Variants in ITIH3 observed in about 807,000 individuals in gnomAD.
ITIH3 encodes inter-alpha-trypsin inhibitor heavy chain 3.
Under a neutral mutation model 96.5 loss-of-function variants are expected in ITIH3, and 81 were observed. The observed-to-expected ratio is 0.84, with a 90% CI of 0.70 to 1.01. The LOEUF (loss-of-function observed/expected upper bound fraction) is 1.01, where lower values mean the gene tolerates loss of function less well. ITIH3 is among the 50% of genes least tolerant of loss of function. The probability of loss-of-function intolerance (pLI) is 0.00; values close to 1 mark genes in which losing one functional copy is unlikely to be tolerated. For synonymous variants in ITIH3, 422 were observed against 445.2 expected (o/e 0.95, Z 0.66); for missense variants, 1,057 against 1,139.3 (o/e 0.93, Z 1.04).
chr3:52,803,553 A>G (rs369603952), intron 13 of ITIH3, among the ~76,000 whole-genome samples: 3 of 152,106 alleles, frequency 2.0e-5, no homozygotes, highest in African/African-American at 7.2e-5. Flanking sequence ...TCCTGACCTC[A>G]GGTGATTCAC....
In ITIH3 at chr3:52,800,486, A is replaced by T. The variant is rs529053596; in HGVS notation, c.1076-52A>T. 90 of 1,549,236 alleles carry T rather than the reference A, an allele frequency of 5.8e-5. 1 individual carries two copies. The African/African-American group carries it at 9.0e-4, about 16-fold the overall frequency. ...GCCTCCTCCGCTCCAGCCTGTCTGC[A>T]CACTGGCACCCTGAGGACACCCTCC... On this transcript the variant is annotated intron_variant, in intron 9 of 21. Coordinates refer to ENST00000449956, the MANE Select transcript of ITIH3 (RefSeq NM_002217.4).
At chr3:52,802,557 G>C (rs777415415) in intron 12 of ITIH3, 38 bp downstream of exon 12, 23 of 1,610,934 alleles carry the variant, frequency 1.4e-5, no homozygotes, top group Non-Finnish European at 1.9e-5. Flanking sequence ...GCTGGGGATG[G>C]GGTATCAGCA....
At chr3:52,808,478 TCAA>T in intron 21 of ITIH3, 71 bp from the exon 22 acceptor site, 2 of 1,577,812 alleles carry the variant, frequency 1.3e-6, no homozygotes, top group Non-Finnish European at 8.7e-7. Context: ...CCACCCTTTT[TCAA>T]TCTCAGGTCC....
rs1700078638 is a variant in ITIH3, at chr3:52,807,002, A to G, written c.2158A>G (p.Met720Val). 5.0e-6 allele frequency: 8 copies of G among 1,600,188 alleles called. No homozygotes were observed. Among genetic ancestry groups the G allele is most frequent in the Non-Finnish European group, 6.8e-6 (8 of 1,173,564 alleles). The stretch of plus-strand genomic sequence containing the variant: ...AAAACTGGGCATCGCCAATGCTCAG[A>G]TGGACTTCCAGGTGGAGGTGACAAC... Reference protein sequence around the residue: ...FGKLGIANAQMDFQVEVTTEK... With the variant: ...FGKLGIANAQVDFQVEVTTEK... The change falls in exon 19 of 22, where the codon ATG becomes GTG. Residue 720 changes from methionine to valine, a missense_variant. Coordinates refer to ENST00000449956, the MANE Select transcript of ITIH3 (RefSeq NM_002217.4).
intron 13 of ITIH3, 115 bp from the exon 14 acceptor site, chr3:52,803,740 C>T (rs1699933552): frequency 8.2e-7 from 1 of 1,212,402 alleles, no homozygotes; most frequent in Non-Finnish European, 1.2e-6. Flanking sequence ...CCTGGGGGAC[C>T]CCACAATGGG....
chr3:52,800,109 G>A (rs1222959719), intron 9 of ITIH3, among the ~76,000 whole-genome samples, 188 bp downstream of exon 9: 1 of 152,132 alleles, frequency 6.6e-6, no homozygotes, highest in Admixed American at 6.5e-5. Flanking sequence ...CGTGGTCCAG[G>A]GAAACCCATT....
chr3:52,801,065 C>T lies in ITIH3; in HGVS notation c.1302C>T (p.Asn434=), dbSNP rs779110092. Residue 434 remains asparagine (N), a synonymous_variant, in exon 11 of 22, where the codon AAC becomes AAT. Coordinates refer to ENST00000449956, the MANE Select transcript of ITIH3 (RefSeq NM_002217.4). ...NLGFGNNLNY[N]FLENMALENH... ...GCTTTGGCAACAATCTGAATTATAACTTCCTGGAGAACATGGCCCTGGAGA... is the reference window on the plus strand; with the variant it reads ...GCTTTGGCAACAATCTGAATTATAATTTCCTGGAGAACATGGCCCTGGAGA... The T allele has an allele frequency of 2.4e-5, 39 of 1,613,102 alleles. No homozygotes were observed. The highest frequency in any genetic ancestry group is 3.1e-5 in the Non-Finnish European group (37 of 1,179,410).
intron 13 of ITIH3, 149 bp from the exon 14 acceptor site, chr3:52,803,706 T>C: frequency 1.2e-6 from 1 of 810,984 alleles, no homozygotes; most frequent in Non-Finnish European, 1.9e-6. Flanking sequence ...GAGCCAGTCT[T>C]CTCTGAGCCC....
chr3:52,808,641 A>C lies in ITIH3; in HGVS notation c.2633A>C (p.Asp878Ala), dbSNP rs1273503314. Reference protein sequence around the residue: ...FVHNNGEGLIDGVHTDYIVPN... With the variant: ...FVHNNGEGLIAGVHTDYIVPN... ...CACAACAACGGAGAAGGGCTGATTG[A>C]TGGTGTCCACACTGACTACATTGTC... Residue 878 changes from aspartate (D) to alanine (A), a missense_variant, in exon 22 of 22, where the codon GAT (aspartate) becomes GCT (alanine). Asp to Ala is a moderately radical substitution (Grantham distance 126, BLOSUM62 -2). Coordinates refer to ENST00000449956, the MANE Select transcript of ITIH3 (RefSeq NM_002217.4). The C allele has an allele frequency of 6.2e-7, 1 of 1,613,950 alleles. No homozygotes were observed. Among genetic ancestry groups the C allele is most frequent in the East Asian group, 2.2e-5 (1 of 44,880 alleles).
In ITIH3 at chr3:52,799,002, C is replaced by T. The variant is rs779224896; in HGVS notation, c.700C>T (p.Arg234Cys). 3 of 1,613,584 alleles carry T rather than the reference C, an allele frequency of 1.9e-6. No homozygotes were observed. Among genetic ancestry groups the T allele is most frequent in the South Asian group, 1.1e-5 (1 of 90,930 alleles). The change falls in exon 7 of 22, where the codon CGT becomes TGT. Residue 234 changes from arginine (R) to cysteine (C), a missense_variant. Arg to Cys is a radical substitution (Grantham distance 180). Coordinates refer to ENST00000449956, the MANE Select transcript of ITIH3 (RefSeq NM_002217.4). ...CTTCAAGCCCAGCTTAGACCAACAG[C>T]GTTCATGCCCAACCTGTACAGACTC... The part of the protein sequence containing the change: ...VSFKPSLDQQ[R>C]SCPTCTDSLL...
chr3:52,795,427 G>A (rs1160007005), intron 1 of ITIH3, among the ~76,000 whole-genome samples, 176 bp from the exon 2 acceptor site: 1 of 152,162 alleles, frequency 6.6e-6, no homozygotes, highest in Non-Finnish European at 1.5e-5. Flanking sequence ...TCTATTCAGA[G>A]TTTTTCCTAC....
At chr3:52,803,469 C>A (rs1002938220) in intron 13 of ITIH3, among the ~76,000 whole-genome samples, 3 of 151,864 alleles carry the variant, frequency 2.0e-5, no homozygotes, top group African/African-American at 7.3e-5. Flanking sequence ...CAGGCATGCA[C>A]CACCATGCCT....
At chr3:52,805,481 C>G in intron 15 of ITIH3, 1 of 1,131,966 alleles carries the variant, frequency 8.8e-7, no homozygotes, top group Non-Finnish European at 1.1e-6. Context: ...CTCACCCCAA[C>G]TAGGGGGTGG....
rs562561616 is a variant in ITIH3 at position 52,795,428 on chromosome 3, T to C, written c.94-175T>C. ...CCTCAGTTTCCCCATCTATTCAGAG[T>C]TTTTCCTACTCTGACATGTGGCTCT... On this transcript the variant is annotated intron_variant, in intron 1 of 21. Coordinates refer to ENST00000449956, the MANE Select transcript of ITIH3 (RefSeq NM_002217.4). Among the ~76,000 whole-genome samples the C allele has an allele frequency of 4.0e-5, 6 of 151,884 alleles. No homozygotes were observed. The East Asian group carries it at 1.2e-3, about 29-fold the overall frequency.
chr3:52,802,939 AAGGAACCCCAGGCCGC>A (rs1316129253), intron 13 of ITIH3, 133 bp downstream of exon 13: 19 of 1,056,548 alleles, frequency 1.8e-5, no homozygotes, highest in Non-Finnish European at 2.4e-5. Context: ...AGCAGTCTGT[AAGGAACCCCAGGCCGC>A]CACTCCCCAT....
chr3:52,805,292 C>G (rs910225864), intron 15 of ITIH3: 62 of 1,009,038 alleles, frequency 6.1e-5, no homozygotes, highest in Middle Eastern at 1.0e-3. Flanking sequence ...ACTGGCCTGC[C>G]CCACCTCCAT....
intron 18 of ITIH3, among the ~76,000 whole-genome samples, 160 bp downstream of exon 18, chr3:52,806,566 C>T (rs1208899415): frequency 1.3e-5 from 2 of 152,212 alleles, no homozygotes; most frequent in African/African-American, 4.8e-5. Flanking sequence ...GGGCCACAGG[C>T]TTGCTCAGCC....
intron 11 of ITIH3, 134 bp from the exon 12 acceptor site, chr3:52,802,200 C>G: frequency 1.1e-6 from 1 of 883,782 alleles, no homozygotes; most frequent in Non-Finnish European, 1.7e-6. Flanking sequence ...GACTGAAGGA[C>G]GCAGTCAGGG....
chr3:52,805,964 A>G, intron 16 of ITIH3, 124 bp downstream of exon 16: 2 of 1,490,318 alleles, frequency 1.3e-6, no homozygotes, highest in Non-Finnish European at 1.8e-6. Context: ...TGCCCTGAGG[A>G]GATTGCGGGG....
Sources: allele counts gnomAD v4.1 joint callset (sites outside exome capture counted in the v4.1 genomes callset), GRCh38; gene constraint gnomAD v4.1.1; transcripts MANE v1.5; gene names NCBI Gene and HGNC (gene_info 2026-07-23, HGNC 2026-07-21).